SUGCT: variants seen among roughly 807,000 people sequenced by gnomAD.
The protein encoded by SUGCT is succinyl-CoA:glutarate CoA-transferase.
A neutral mutation model predicts 55.0 loss-of-function variants in SUGCT; 41 were observed. The ratio of observed to expected loss-of-function variants is 0.74; its 90% confidence interval spans 0.58 to 0.97. The LOEUF (loss-of-function observed/expected upper bound fraction) is 0.97. SUGCT is among the 50% of genes least tolerant of loss of function. The pLI, the probability that SUGCT is intolerant of heterozygous loss-of-function variation, is 0.00. For missense variants in SUGCT, 568 were observed against 547.8 expected (o/e 1.04, Z -0.37); for synonymous variants, 187 against 200.4 (o/e 0.93, Z 0.56).
At chr7:40,551,975 A>G (rs575161810) in intron 12 of SUGCT, among the ~76,000 whole-genome samples, 2 of 152,292 alleles carry the variant, frequency 1.3e-5, no homozygotes, top group South Asian at 2.1e-4. Context: ...CTTGAGCTAC[A>G]CCATCTTGGA....
the SUGCT span, among the ~76,000 whole-genome samples, chr7:41,013,260 T>C: frequency 6.6e-6 from 1 of 152,206 alleles, no homozygotes; most frequent in Non-Finnish European, 1.5e-5. Context: ...TCTGGATGGC[T>C]TGGTAAACTA....
At chr7:40,438,409 CT>C (rs1051660573) in intron 9 of SUGCT, among the ~76,000 whole-genome samples, 1 of 152,102 alleles carries the variant, frequency 6.6e-6, no homozygotes, top group African/African-American at 2.4e-5. Context: ...TTTTCTCAGT[CT>C]TGTAAAAGAT....
intron 13 of SUGCT, among the ~76,000 whole-genome samples, chr7:40,854,474 T>TTCTC (rs754032485): frequency 5.9e-5 from 8 of 135,326 alleles, no homozygotes; most frequent in Non-Finnish European, 1.1e-4. Context: ...CTTTCTTTCT[T>TTCTC]TCTCTTTCTC....
At chr7:40,212,476 A>G (rs1385849122) in intron 6 of SUGCT, among the ~76,000 whole-genome samples, 1 of 152,148 alleles carries the variant, frequency 6.6e-6, no homozygotes, top group Non-Finnish European at 1.5e-5. Context: ...ATTATATATA[A>G]GAGAAAAAAT....
At chr7:40,914,389 T>C in the SUGCT span, among the ~76,000 whole-genome samples, 1 of 152,086 alleles carries the variant, frequency 6.6e-6, no homozygotes, top group Non-Finnish European at 1.5e-5. Context: ...TAACTCGTCA[T>C]CTAGCATTAG....
At chr7:40,564,338 T>C (rs1796012664) in intron 12 of SUGCT, among the ~76,000 whole-genome samples, 1 of 152,190 alleles carries the variant, frequency 6.6e-6, no homozygotes. Flanking sequence ...ATCGCGCCAC[T>C]GCACTCCAGC....
intron 12 of SUGCT, among the ~76,000 whole-genome samples, chr7:40,565,327 G>A (rs1340018869): frequency 3.3e-5 from 5 of 152,180 alleles, no homozygotes; most frequent in Admixed American, 3.3e-4. Context: ...ATACACTGAT[G>A]ACTTGAAGTG....
chr7:40,669,996 TACTGAAA>T (rs898132653), intron 12 of SUGCT, among the ~76,000 whole-genome samples: 42 of 151,408 alleles, frequency 2.8e-4, no homozygotes, highest in Non-Finnish European at 4.6e-4. Flanking sequence ...TACATCATAA[TACTGAAA>T]ACTAAAAACT....
intron 6 of SUGCT, among the ~76,000 whole-genome samples, chr7:40,222,168 A>G (rs1041253604): frequency 3.3e-5 from 5 of 152,230 alleles, no homozygotes; most frequent in African/African-American, 1.2e-4. Context: ...CAGGTGGAAA[A>G]CAGATAGATT....
chr7:40,340,326 C>A (rs1796974959), intron 9 of SUGCT, among the ~76,000 whole-genome samples: 1 of 151,856 alleles, frequency 6.6e-6, no homozygotes, highest in Non-Finnish European at 1.5e-5. Context: ...TAATAAGGCT[C>A]ACAACTCAAT....
chr7:41,004,302 C>T, the SUGCT span, among the ~76,000 whole-genome samples: 1 of 152,180 alleles, frequency 6.6e-6, no homozygotes, highest in Admixed American at 6.5e-5. Context: ...CATGGTTGGT[C>T]GAGAAGATCC....
At chr7:40,217,352 A>C in intron 6 of SUGCT, 1 of 401,694 alleles carries the variant, frequency 2.5e-6, no homozygotes, top group Non-Finnish European at 5.0e-6. Flanking sequence ...CTCGGACTAC[A>C]GGCTCGTGCC....
chr7:40,715,244 G>A (rs1785959192), intron 12 of SUGCT, among the ~76,000 whole-genome samples: 1 of 152,188 alleles, frequency 6.6e-6, no homozygotes, highest in Non-Finnish European at 1.5e-5. Context: ...GAGCAGTTAT[G>A]GTCAGTGCAG....
chr7:40,417,516 A>G (rs928014396), intron 9 of SUGCT, among the ~76,000 whole-genome samples: 6 of 151,876 alleles, frequency 4.0e-5, no homozygotes, highest in Non-Finnish European at 8.8e-5. Flanking sequence ...ATTTTTGTGA[A>G]CATTTTATTG....
intron 12 of SUGCT, among the ~76,000 whole-genome samples, chr7:40,520,664 A>G (rs769502783): frequency 3.3e-5 from 5 of 152,086 alleles, no homozygotes; most frequent in Admixed American, 6.6e-5. Flanking sequence ...GACAAACCAC[A>G]TTCGAGGTGA....
intron 9 of SUGCT, among the ~76,000 whole-genome samples, chr7:40,440,845 C>T (rs188743461): frequency 1.1e-3 from 165 of 151,992 alleles, no homozygotes; most frequent in African/African-American, 2.7e-3. Context: ...GTAGTCCCAG[C>T]GACTCAGGAG....
intron 9 of SUGCT, among the ~76,000 whole-genome samples, chr7:40,431,929 T>C (rs1291609775): frequency 6.6e-6 from 1 of 152,210 alleles, no homozygotes; most frequent in Admixed American, 6.5e-5. Flanking sequence ...GGTGGAATCA[T>C]TGTTGGTTTT....
intron 6 of SUGCT, among the ~76,000 whole-genome samples, chr7:40,197,370 C>T (rs942444831): frequency 1.3e-5 from 2 of 152,172 alleles, no homozygotes; most frequent in Non-Finnish European, 2.9e-5. Context: ...AAATTATCTT[C>T]TGAATTATCA....
intron 9 of SUGCT, among the ~76,000 whole-genome samples, chr7:40,366,343 C>T (rs1235701255): frequency 2.6e-5 from 4 of 152,180 alleles, no homozygotes; most frequent in Admixed American, 6.5e-5. Flanking sequence ...CCATTCAGGA[C>T]ATAGGCATGG....
Sources: allele counts gnomAD v4.1 joint callset (sites outside exome capture counted in the v4.1 genomes callset), GRCh38; gene constraint gnomAD v4.1.1; transcripts MANE v1.5; gene names NCBI Gene and HGNC (gene_info 2026-07-23, HGNC 2026-07-21).